The following NUP62CL variants were observed in gnomAD, a reference collection of about 807,000 sequenced individuals.
NUP62CL encodes the protein nucleoporin 62 C-terminal like.
Under a neutral mutation model 15.3 loss-of-function variants are expected in NUP62CL, and 13 were observed. That is an observed-to-expected ratio of 0.85 (90% CI 0.55 to 1.35). The LOEUF (loss-of-function observed/expected upper bound fraction) is 1.35. NUP62CL is among the 40% of genes most tolerant of loss of function. The pLI is 0.00. For missense variants in NUP62CL, 123 were observed against 130.6 expected, an observed-to-expected ratio of 0.94 and a Z score of 0.28; for synonymous variants, 54 against 49.2, an observed-to-expected ratio of 1.10 and a Z score of -0.41.
At chrX:107,205,006 G>T (rs189909473) in intron 1 of NUP62CL, among the ~76,000 whole-genome samples, 1 of 108,630 alleles carries the variant, frequency 9.2e-6, no homozygotes, top group African/African-American at 3.3e-5. Flanking sequence ...TAAAGGTCTA[G>T]GGACAAATCA....
At chrX:107,144,760 C>T (rs1925848575) in intron 8 of NUP62CL, among the ~76,000 whole-genome samples, 1 of 111,174 alleles carries the variant, frequency 9.0e-6, no homozygotes, top group African/African-American at 3.3e-5. Context: ...TGGTGATAAA[C>T]TACCTGGAAC....
chrX:107,150,764 G>A (rs1451365347), intron 7 of NUP62CL: 3 of 305,536 alleles, frequency 9.8e-6, no homozygotes, highest in Non-Finnish European at 2.0e-5. Context: ...CTACCGAAGT[G>A]CTGGGGTTAT....
At chrX:107,197,098 T>G (rs1927375564) in intron 1 of NUP62CL, among the ~76,000 whole-genome samples, 1 of 112,231 alleles carries the variant, frequency 8.9e-6, no homozygotes, top group Non-Finnish European at 1.9e-5. Flanking sequence ...TGGATTTTTC[T>G]TCCATCTTAC....
In NUP62CL at chrX:107,129,132, C is replaced by T. The variant is rs189386579; in HGVS notation, c.*43-4800G>A. On this transcript the variant is annotated intron_variant, in intron 8 of 8. Transcript: ENST00000372466. ...GAAGAAAAAGACAAAAGCATAAAAT[C>T]GTAAGGACAAAAACAAGAAAGGAGA... 1.8e-3 allele frequency among the ~76,000 whole-genome samples: 205 copies of T among 111,335 alleles called. 2 individuals carry two copies. The highest frequency in any genetic ancestry group is 6.2e-3 in the African/African-American group (189 of 30,642).
intron 8 of NUP62CL, among the ~76,000 whole-genome samples, chrX:107,125,343 A>G (rs1295152196): frequency 9.0e-6 from 1 of 111,563 alleles, no homozygotes; most frequent in Non-Finnish European, 1.9e-5. Flanking sequence ...CATCAACAGT[A>G]GGCTATTAGT....
intron 8 of NUP62CL, among the ~76,000 whole-genome samples, chrX:107,126,209 A>G (rs959750626): frequency 1.8e-5 from 2 of 112,585 alleles, no homozygotes; most frequent in Admixed American, 9.4e-5. Context: ...TGACAACAAA[A>G]AAACATTGCT....
At chrX:107,146,498 A>C (rs1925885887) in intron 8 of NUP62CL, among the ~76,000 whole-genome samples, 1 of 112,145 alleles carries the variant, frequency 8.9e-6, no homozygotes, top group South Asian at 3.7e-4. Context: ...TGAACATTTT[A>C]CGAATGAGGC....
rs532114982 is a variant in NUP62CL at position 107,152,506 on chromosome X, T to G, written c.530+666A>C. Among the ~76,000 whole-genome samples the G allele has an allele frequency of 5.4e-5, 6 of 110,980 alleles. No homozygotes were observed. The East Asian group carries it at 1.4e-3, about 26-fold the overall frequency. ...TAAGTCATTGATAAAATGTGTCCAA[T>G]TTAGTCTCAATCTAGATTATGTTGT... On this transcript the variant is annotated intron_variant, in intron 7 of 8. Transcript: ENST00000372466.
At chrX:107,140,696 G>T (rs756204686) in intron 8 of NUP62CL, among the ~76,000 whole-genome samples, 1 of 112,167 alleles carries the variant, frequency 8.9e-6, no homozygotes, top group Non-Finnish European at 1.9e-5. Flanking sequence ...CAAATGCTGT[G>T]CAATTTTTTA....
At chrX:107,178,114 T>C (rs1926827132) in intron 2 of NUP62CL, among the ~76,000 whole-genome samples, 1 of 111,842 alleles carries the variant, frequency 8.9e-6, no homozygotes, top group Admixed American at 9.5e-5. Flanking sequence ...AATATATTAT[T>C]CCATTTATAA....
chrX:107,146,443 G>C (rs1259961449), intron 8 of NUP62CL, among the ~76,000 whole-genome samples: 1 of 111,621 alleles, frequency 9.0e-6, no homozygotes, highest in Non-Finnish European at 1.9e-5. Context: ...GACTGTATTT[G>C]GTACATTTTC....
At chrX:107,152,133 C>CAG (rs1556021755) in intron 7 of NUP62CL, among the ~76,000 whole-genome samples, 3 of 26,720 alleles carry the variant, frequency 1.1e-4, no homozygotes, top group African/African-American at 5.4e-4. Context: ...TATATATATT[C>CAG]AGATATATAT....
chrX:107,177,453 A>G (rs746525564), intron 2 of NUP62CL, among the ~76,000 whole-genome samples: 2 of 111,702 alleles, frequency 1.8e-5, no homozygotes, highest in South Asian at 7.6e-4. Flanking sequence ...AGATGGGATT[A>G]AGGTTAAAAA....
intron 8 of NUP62CL, among the ~76,000 whole-genome samples, chrX:107,128,968 T>C (rs942321231): frequency 3.6e-5 from 4 of 111,471 alleles, no homozygotes; most frequent in Non-Finnish European, 7.5e-5. Context: ...CTTGACAGTA[T>C]TGTGAAAGTG....
intron 4 of NUP62CL, among the ~76,000 whole-genome samples, chrX:107,166,831 T>A (rs1926526224): frequency 9.0e-6 from 1 of 111,608 alleles, no homozygotes; most frequent in South Asian, 3.8e-4. Flanking sequence ...AAAGGTCACA[T>A]ATATATGACT....
rs375469517 is a variant in NUP62CL at position 107,187,669 on chromosome X, A to G, written c.-48+5360T>C. 6.3e-4 allele frequency among the ~76,000 whole-genome samples: 71 copies of G among 112,955 alleles called. 1 individual carries two copies. In the South Asian group the frequency reaches 0.026, roughly 41 times the overall value. On this transcript the variant is annotated intron_variant, in intron 2 of 8. Transcript: ENST00000372466. The stretch of plus-strand genomic sequence containing the variant: ...CGCCTAGGCCTCCCAAAGTGCTGGG[A>G]TTACAGGCGTGAGCCACTGCACCCA...
chrX:107,128,273 T>C, intron 8 of NUP62CL, among the ~76,000 whole-genome samples: 1 of 112,247 alleles, frequency 8.9e-6, no homozygotes, highest in Non-Finnish European at 1.9e-5. Context: ...AAACAAACTA[T>C]GGTATATCCA....
intron 1 of NUP62CL, among the ~76,000 whole-genome samples, chrX:107,200,263 G>C (rs774022872): frequency 1.8e-5 from 2 of 111,391 alleles, no homozygotes; most frequent in South Asian, 7.7e-4. Context: ...CCTAGAAAAA[G>C]TTTTTATTTT....
chrX:107,200,803 A>C (rs565945342), intron 1 of NUP62CL, among the ~76,000 whole-genome samples: 8 of 109,566 alleles, frequency 7.3e-5, no homozygotes, highest in African/African-American at 2.7e-4. Context: ...GAGAGAGAGT[A>C]AAATACTTGA....
Sources: allele counts gnomAD v4.1 joint callset (sites outside exome capture counted in the v4.1 genomes callset), GRCh38; gene constraint gnomAD v4.1.1; transcripts MANE v1.5; gene names NCBI Gene and HGNC (gene_info 2026-07-23, HGNC 2026-07-21).